Variants in KCNC1 observed in about 807,000 individuals in gnomAD.
The protein encoded by KCNC1 is voltage-gated potassium channel KCNC1.
A neutral mutation model predicts 43.4 loss-of-function variants in KCNC1; 8 were observed. The observed-to-expected ratio is 0.18, with a 90% CI of 0.11 to 0.33. KCNC1 has a LOEUF of 0.33. KCNC1 is among the 10% of genes least tolerant of loss of function. KCNC1 has a pLI of 1.00. For synonymous variants in KCNC1, 361 were observed against 360.5 expected, an observed-to-expected ratio of 1.00 and a Z score of -0.01; for missense variants, 420 against 836.0, an observed-to-expected ratio of 0.50 and a Z score of 6.14.
intron 1 of KCNC1, among the ~76,000 whole-genome samples, chr11:17,770,139 T>C (rs1849206680): frequency 1.3e-5 from 2 of 152,148 alleles, no homozygotes; most frequent in Non-Finnish European, 2.9e-5. Context: ...ACCCCCTGGG[T>C]GGGGGAGGGG....
intron 1 of KCNC1, among the ~76,000 whole-genome samples, chr11:17,759,643 T>C (rs2133794270): frequency 6.6e-6 from 1 of 152,232 alleles, no homozygotes; most frequent in East Asian, 1.9e-4. Flanking sequence ...TATTGTTGTG[T>C]CTCAGGGAAT....
chr11:17,781,303 G>GA lies in KCNC1; in HGVS notation c.1694-366dup. 1 of 221,496 alleles carries GA rather than the reference G, an allele frequency of 4.5e-6. No homozygotes were observed. The highest frequency in any genetic ancestry group is 8.9e-6 in the Non-Finnish European group (1 of 112,600). 13.7% of individuals were successfully genotyped at this position (221,496 alleles called of 1,614,324 possible). A position where few individuals can be genotyped will look rare whatever the true frequency, so the allele number is the denominator to read the frequency against. ...CAGTCCCACCGAGGCTTAGGTGCCAGAGTCTTTGGGAGGCGCTAAGGGTGA... is the reference window on the plus strand; with the variant it reads ...CAGTCCCACCGAGGCTTAGGTGCCAGAAGTCTTTGGGAGGCGCTAAGGGTGA... On this transcript the variant is annotated intron_variant, in intron 3 of 3. Transcript: ENST00000265969. The surrounding 1 kb of genome is among the most constrained non-coding windows in gnomAD (Gnocchi z 5.1).
At position 17,772,132 on chromosome 11, in the gene KCNC1, G is replaced by C. The variant is rs1590106654; in HGVS notation, c.1038G>C (p.Leu346=). The change falls in exon 2 of 4, where the codon CTG becomes CTC. Residue 346 remains leucine, a synonymous_variant. Transcript: ENST00000265969. ...TCCGAGCCAGCACCAACGAGTTCCTGCTGCTCATCATCTTCCTGGCCTTGG... is the reference window on the plus strand; with the variant it reads ...TCCGAGCCAGCACCAACGAGTTCCTCCTGCTCATCATCTTCCTGGCCTTGG... The part of the protein sequence containing the change: ...HTLRASTNEF[L]LLIIFLALGV... 2 of 1,614,058 alleles carry C rather than the reference G, an allele frequency of 1.2e-6. No homozygotes were observed. Among genetic ancestry groups the C allele is most frequent in the East Asian group, 4.5e-5 (2 of 44,872 alleles).
chr11:17,755,122 G>A (rs1464887535), intron 1 of KCNC1, among the ~76,000 whole-genome samples: 1 of 152,132 alleles, frequency 6.6e-6, no homozygotes, highest in Non-Finnish European at 1.5e-5. Context: ...AGGCGTACCT[G>A]GGGAAAGGCG....
chr11:17,781,307 CTT>C lies in KCNC1; in HGVS notation c.1694-361_1694-360del. On this transcript the variant is annotated intron_variant, in intron 3 of 3. Coordinates refer to ENST00000265969, the MANE Select transcript of KCNC1 (RefSeq NM_001112741.2). The surrounding 1 kb of genome is among the most constrained non-coding windows in gnomAD (Gnocchi z 5.1). ...CCCACCGAGGCTTAGGTGCCAGAGT[CTT>C]TGGGAGGCGCTAAGGGTGAAGTGTC... 1 of 226,510 alleles carries C rather than the reference CTT, an allele frequency of 4.4e-6. No homozygotes were observed. Among genetic ancestry groups the C allele is most frequent in the Non-Finnish European group, 8.6e-6 (1 of 115,636 alleles). The allele number at this position is 226,510 out of a possible 1,614,324, so 14.0% of individuals were successfully genotyped here.
At chr11:17,758,915 G>A (rs997101535) in intron 1 of KCNC1, among the ~76,000 whole-genome samples, 2 of 152,202 alleles carry the variant, frequency 1.3e-5, no homozygotes, top group Admixed American at 1.3e-4. Context: ...AAAGTCACCA[G>A]CTGCATTAGC....
In KCNC1 at chr11:17,739,054, G is replaced by A. The variant is rs1848803417; in HGVS notation, c.570+2482G>A. ...CCCGCCCGGCTGGCCTAGCTGCACTGCGCTGCCTCTCTGCGGCTCATCTGC... is the reference window on the plus strand; with the variant it reads ...CCCGCCCGGCTGGCCTAGCTGCACTACGCTGCCTCTCTGCGGCTCATCTGC... On this transcript the variant is annotated intron_variant, in intron 1 of 3. Coordinates refer to ENST00000265969, the MANE Select transcript of KCNC1 (RefSeq NM_001112741.2). The surrounding 1 kb of genome is among the most constrained non-coding windows in gnomAD (Gnocchi z 4.2). Among the ~76,000 whole-genome samples the A allele has an allele frequency of 6.6e-6, 1 of 152,202 alleles. No individual in the cohort carries two copies. Among genetic ancestry groups the A allele is most frequent in the South Asian group, 2.1e-4 (1 of 4,830 alleles).
Position 17,779,318 on chromosome 11 carries a change from C to A in KCNC1, c.1505-138C>A, listed in dbSNP as rs1252612587. The A allele has an allele frequency of 1.6e-5, 11 of 692,828 alleles. No individual in the cohort carries two copies. Among genetic ancestry groups the A allele is most frequent in the Admixed American group, 1.0e-4 (3 of 29,942 alleles). 42.9% of individuals were successfully genotyped at this position (692,828 alleles called of 1,614,324 possible). A position where few individuals can be genotyped will look rare whatever the true frequency, so the allele number is the denominator to read the frequency against. ...AGCCCCCTGCCTTGTGCCCTCCTCGCTCCACAGCCTGCCCGCTTTTCCGTC... is the reference window on the plus strand; with the variant it reads ...AGCCCCCTGCCTTGTGCCCTCCTCGATCCACAGCCTGCCCGCTTTTCCGTC... On this transcript the variant is annotated intron_variant, in intron 2 of 3. Transcript: ENST00000265969. The surrounding 1 kb of genome is among the most constrained non-coding windows in gnomAD (Gnocchi z 7.2).
chr11:17,768,016 G>C (rs1412439194), intron 1 of KCNC1, among the ~76,000 whole-genome samples: 1 of 152,198 alleles, frequency 6.6e-6, no homozygotes, highest in Non-Finnish European at 1.5e-5. Context: ...GAGGGCTGTG[G>C]GGTTGCCTGG....
intron 1 of KCNC1, among the ~76,000 whole-genome samples, chr11:17,764,381 A>C (rs1849123975): frequency 6.6e-6 from 1 of 151,832 alleles, no homozygotes; most frequent in South Asian, 2.1e-4. Context: ...CACACACACA[A>C]ACACATCCCA....
intron 3 of KCNC1, chr11:17,780,057 T>A: frequency 6.2e-6 from 1 of 160,050 alleles, no homozygotes; most frequent in Non-Finnish European, 1.4e-5. Context: ...GCCAGGACCC[T>A]GTGAACTTAG....
intron 1 of KCNC1, among the ~76,000 whole-genome samples, chr11:17,741,039 C>A (rs1033247241): frequency 6.6e-6 from 1 of 152,078 alleles, no homozygotes; most frequent in Admixed American, 6.5e-5. Flanking sequence ...CCCACTCCCC[C>A]AGGCCAGGGC....
chr11:17,743,751 G>T (rs960976697), intron 1 of KCNC1, among the ~76,000 whole-genome samples: 1 of 152,182 alleles, frequency 6.6e-6, no homozygotes, highest in Non-Finnish European at 1.5e-5. Flanking sequence ...GTCCTCATTG[G>T]CAGCCCTTTA....
In KCNC1 at chr11:17,739,683, G is replaced by A. The variant is rs1214797789; in HGVS notation, c.570+3111G>A. Among the ~76,000 whole-genome samples, 1 of 151,524 alleles carries A rather than the reference G, an allele frequency of 6.6e-6. No individual in the cohort carries two copies. The highest frequency in any genetic ancestry group is 2.0e-4 in the East Asian group (1 of 5,126). ...AGCTCATGTGTGAGTCTGTGTGTGT[G>A]TGTGTGTGTGTGTGTGTGTACATGC... On this transcript the variant is annotated intron_variant, in intron 1 of 3. Coordinates refer to ENST00000265969, the MANE Select transcript of KCNC1 (RefSeq NM_001112741.2). This position sits in a 1 kb window ranked among gnomAD's most constrained non-coding sequence, Gnocchi z 4.2.
At chr11:17,769,259 C>G (rs1037784454) in intron 1 of KCNC1, among the ~76,000 whole-genome samples, 1 of 152,000 alleles carries the variant, frequency 6.6e-6, no homozygotes, top group Non-Finnish European at 1.5e-5. Flanking sequence ...TTATTCAACT[C>G]TGTGCCAGGC....
At chr11:17,740,046 G>A (rs1243177104) in intron 1 of KCNC1, among the ~76,000 whole-genome samples, 3 of 152,284 alleles carry the variant, frequency 2.0e-5, no homozygotes, top group South Asian at 2.1e-4. Context: ...TGTGTGGGAC[G>A]GGTGGTGAGG....
intron 2 of KCNC1, chr11:17,775,689 C>T (rs563083977): frequency 1.4e-4 from 140 of 985,740 alleles, no homozygotes; most frequent in Non-Finnish European, 1.5e-4. Context: ...TGTCCATCTC[C>T]GCTCCTGTGA....
In KCNC1 at chr11:17,779,406, C is replaced by A; in HGVS notation, c.1505-50C>A. 1 of 1,402,014 alleles carries A rather than the reference C, an allele frequency of 7.1e-7. No individual in the cohort carries two copies. Among genetic ancestry groups the A allele is most frequent in the Non-Finnish European group, 9.4e-7 (1 of 1,065,470 alleles). The allele number at this position is 1,402,014 out of a possible 1,614,324, so 86.8% of individuals were successfully genotyped here. A position where few individuals can be genotyped will look rare whatever the true frequency, so the allele number is the denominator to read the frequency against. On this transcript the variant is annotated intron_variant, in intron 2 of 3. Coordinates refer to ENST00000265969, the MANE Select transcript of KCNC1 (RefSeq NM_001112741.2). The surrounding 1 kb of genome is among the most constrained non-coding windows in gnomAD (Gnocchi z 7.2). ...CTTCTGGCCTGTCCCCCCCTGCCCCCCACTAAACAGTTTTCAGTGTCTCAA... is the reference window on the plus strand; with the variant it reads ...CTTCTGGCCTGTCCCCCCCTGCCCCACACTAAACAGTTTTCAGTGTCTCAA...
chr11:17,768,449 G>C (rs1284849159), intron 1 of KCNC1, among the ~76,000 whole-genome samples: 3 of 152,164 alleles, frequency 2.0e-5, no homozygotes, highest in Non-Finnish European at 4.4e-5. Flanking sequence ...TGCCAGGCTG[G>C]GGAATTTGGA....
Sources: allele counts gnomAD v4.1 joint callset (sites outside exome capture counted in the v4.1 genomes callset), GRCh38; gene constraint gnomAD v4.1.1; non-coding constraint Gnocchi (gnomAD v3.1); transcripts MANE v1.5; gene names NCBI Gene and HGNC (gene_info 2026-07-23, HGNC 2026-07-21).